Variants in MYSM1 observed in about 807,000 individuals in gnomAD.
MYSM1 encodes Myb like, SWIRM and MPN domains 1.
MYSM1 carries 51 observed loss-of-function variants against 116.0 expected under a neutral mutation model. The ratio of observed to expected loss-of-function variants is 0.44; its 90% CI spans 0.35 to 0.56. The LOEUF (loss-of-function observed/expected upper bound fraction) is 0.56, where lower values mean the gene tolerates loss of function less well. MYSM1 is among the 20% of genes least tolerant of loss of function. The pLI is 0.00. For synonymous variants in MYSM1, 313 were observed against 315.2 expected (o/e 0.99, Z 0.07); for missense variants, 900 against 974.9 (o/e 0.92, Z 1.02).
In MYSM1 at chr1:58,672,011, AT is replaced by A. The variant is rs1430210832; in HGVS notation, c.1573-54del. 1.5e-5 allele frequency: 21 copies of A among 1,402,716 alleles called. No homozygotes were observed. In the African/African-American group the frequency reaches 2.3e-4, roughly 15 times the overall value. 86.9% of individuals were successfully genotyped at this position (1,402,716 alleles called of 1,614,324 possible). On this transcript the variant is annotated intron_variant, in intron 11 of 19. Coordinates refer to ENST00000472487, the MANE Select transcript of MYSM1 (RefSeq NM_001085487.3). ...AGTCCATCATCTACTAAGAGGCAGA[AT>A]AAAAATAGTCCTTTAAAATCAAATT...
At chr1:58,676,763 A>C in intron 9 of MYSM1, 163 bp downstream of exon 9, 1 of 596,776 alleles carries the variant, frequency 1.7e-6, no homozygotes, top group Non-Finnish European at 2.5e-6. Flanking sequence ...AACACAGTTT[A>C]ACCAACAGTA....
chr1:58,663,553 G>C (rs1644425338), intron 17 of MYSM1, among the ~76,000 whole-genome samples: 1 of 152,210 alleles, frequency 6.6e-6, no homozygotes, highest in Non-Finnish European at 1.5e-5. Context: ...CTAGGATTAA[G>C]ATCTAATACG....
chr1:58,666,835 T>C (rs1569714121), intron 16 of MYSM1, among the ~76,000 whole-genome samples: 1 of 150,756 alleles, frequency 6.6e-6, no homozygotes. Flanking sequence ...GATCGTGCCA[T>C]TGCACTCCAG....
Position 58,656,634 on chromosome 1 carries a change from A to T in MYSM1, c.*3363T>A, listed in dbSNP as rs1351558773. On this transcript the variant is annotated 3_prime_UTR_variant, in exon 20 of 20. Transcript: ENST00000472487. ...GAAGGAAGTAAGTTCAAGTCTATAG[A>T]TCTATAACCGTGGAAACTGCAGTGC... 3.9e-5 allele frequency: 6 copies of T among 152,214 alleles called. No individual in the cohort carries two copies. Among genetic ancestry groups the T allele is most frequent in the African/African-American group, 1.4e-4 (6 of 41,446 alleles). The allele number at this position is 152,214 out of a possible 1,614,324, so 9.4% of individuals were successfully genotyped here.
chr1:58,667,940 A>G lies in MYSM1; in HGVS notation c.1768-19T>C. On this transcript the variant is annotated intron_variant, in intron 14 of 19. Coordinates refer to ENST00000472487, the MANE Select transcript of MYSM1 (RefSeq NM_001085487.3). ...GAGCATGCTAAAAGAAATACAAGAC[A>G]GACTTAGCCCAAACGCACAAACCCA... 2 of 1,591,024 alleles carry G rather than the reference A, an allele frequency of 1.3e-6. No individual in the cohort carries two copies.
intron 14 of MYSM1, chr1:58,668,392 A>G: frequency 8.3e-7 from 1 of 1,211,058 alleles, no homozygotes; most frequent in Non-Finnish European, 1.0e-6. Flanking sequence ...GAAACTTAAA[A>G]TAGGGTTAAT....
chr1:58,689,070 T>C lies in MYSM1; in HGVS notation c.367A>G (p.Ile123Val). 6.2e-7 allele frequency: 1 copy of C among 1,611,862 alleles called. No individual in the cohort carries two copies. The highest frequency in any genetic ancestry group is 8.5e-7 in the Non-Finnish European group (1 of 1,179,566). ...TGTTCAAACAGCTCTTTTTCTTCTATCGTCCACTTTACTGAGTAACTGGCT... is the reference window on the plus strand; with the variant it reads ...TGTTCAAACAGCTCTTTTTCTTCTACCGTCCACTTTACTGAGTAACTGGCT... Reference protein sequence around the residue: ...KPASYSVKWTIEEKELFEQGL... With the variant: ...KPASYSVKWTVEEKELFEQGL... Residue 123 changes from isoleucine (I) to valine (V), a missense_variant, in exon 6 of 20, where the codon ATA (isoleucine) becomes GTA (valine). Ile to Val is a conservative substitution (Grantham distance 29). This residue lies in a region of MYSM1 where 622 missense variants were observed against 623.7 expected (regional missense o/e 1.00). Transcript: ENST00000472487.
chr1:58,695,061 A>T, intron 2 of MYSM1, 68 bp downstream of exon 2: 1 of 879,814 alleles, frequency 1.1e-6, no homozygotes, highest in Non-Finnish European at 1.8e-6. Flanking sequence ...TTAAAAAAAA[A>T]AAAAGAAGAA....
At chr1:58,670,553 G>A (rs1423194880) in intron 12 of MYSM1, among the ~76,000 whole-genome samples, 3 of 152,148 alleles carry the variant, frequency 2.0e-5, no homozygotes, top group Admixed American at 6.5e-5. Context: ...ATGATAAGTA[G>A]ACCTTATTGT....
intron 1 of MYSM1, among the ~76,000 whole-genome samples, chr1:58,698,102 A>ATATATATATTTTT: frequency 5.1e-4 from 4 of 7,772 alleles, no homozygotes; most frequent in African/African-American, 1.0e-3. Context: ...ATATATATAT[A>ATATATATATTTTT]TTTTTTTTTT....
intron 8 of MYSM1, among the ~76,000 whole-genome samples, chr1:58,680,173 T>A (rs1215823125): frequency 6.6e-6 from 1 of 152,236 alleles, no homozygotes; most frequent in South Asian, 2.1e-4. Flanking sequence ...AATAGAAATC[T>A]AATTTAACTA....
intron 10 of MYSM1, among the ~76,000 whole-genome samples, chr1:58,674,178 A>C (rs1242691985): frequency 6.6e-6 from 1 of 152,162 alleles, no homozygotes; most frequent in African/African-American, 2.4e-5. Flanking sequence ...AATATTTTTA[A>C]GATCAAAAAG....
At chr1:58,664,563 A>T (rs1569704934) in intron 17 of MYSM1, among the ~76,000 whole-genome samples, 1 of 152,246 alleles carries the variant, frequency 6.6e-6, no homozygotes, top group East Asian at 1.9e-4. Context: ...CATAAAGAAT[A>T]AAGCAACTAA....
rs1644954405 is a variant in MYSM1 at position 58,695,048 on chromosome 1, AGT to A, written c.147+79_147+80del. 4 of 705,596 alleles carry A rather than the reference AGT, an allele frequency of 5.7e-6. No individual in the cohort carries two copies. In the Admixed American group the frequency reaches 1.2e-4, roughly 20 times the overall value. 43.7% of individuals were successfully genotyped at this position (705,596 alleles called of 1,614,324 possible). On this transcript the variant is annotated intron_variant, in intron 2 of 19. Coordinates refer to ENST00000472487, the MANE Select transcript of MYSM1 (RefSeq NM_001085487.3). ...CTGTGATAGTTGAGAACTAGCACTA[AGT>A]TTAAAAAAAAAAAAAGAAGAAGCAC...
At chr1:58,694,003 C>A (rs1467371453) in intron 2 of MYSM1, among the ~76,000 whole-genome samples, 1 of 152,194 alleles carries the variant, frequency 6.6e-6, no homozygotes, top group Non-Finnish European at 1.5e-5. Context: ...TCAACCAGAG[C>A]TTCTGTAGTT....
intron 8 of MYSM1, among the ~76,000 whole-genome samples, chr1:58,679,794 G>A (rs190685926): frequency 2.6e-5 from 4 of 151,790 alleles, no homozygotes; most frequent in African/African-American, 4.8e-5. Context: ...TTGGGTGGCC[G>A]AGGTGAGTGG....
At position 58,659,948 on chromosome 1, in the gene MYSM1, A is replaced by C; in HGVS notation, c.*49T>G. Reference sequence around the variant, plus strand: ...CAATCACTTCAAGTTTATAACTTTGAAAGTAAGATCTACTGTGTCAAGATT... The same window carrying C: ...CAATCACTTCAAGTTTATAACTTTGCAAGTAAGATCTACTGTGTCAAGATT... On this transcript the variant is annotated 3_prime_UTR_variant, in exon 20 of 20. Transcript: ENST00000472487. 1 of 1,210,492 alleles carries C rather than the reference A, an allele frequency of 8.3e-7. No individual in the cohort carries two copies. Among genetic ancestry groups the C allele is most frequent in the Middle Eastern group, 2.7e-4 (1 of 3,708 alleles). 75.0% of individuals were successfully genotyped at this position (1,210,492 alleles called of 1,614,324 possible).
intron 2 of MYSM1, among the ~76,000 whole-genome samples, chr1:58,694,708 G>C (rs11207293): frequency 0.57 from 86,112 of 150,876 alleles, 24,755 homozygotes; most frequent in East Asian, 0.64. Flanking sequence ...TCATTCTGTT[G>C]CCCAGGTTGG....
chr1:58,699,859 G>C (rs937708927), intron 1 of MYSM1, 126 bp downstream of exon 1: 3 of 1,468,478 alleles, frequency 2.0e-6, no homozygotes, highest in African/African-American at 2.8e-5. Flanking sequence ...AGGCCAACAA[G>C]AGACCCTGGC....
Sources: allele counts gnomAD v4.1 joint callset (sites outside exome capture counted in the v4.1 genomes callset), GRCh38; gene constraint gnomAD v4.1.1; regional missense constraint gnomAD v4.1.1; transcripts MANE v1.5; gene names NCBI Gene and HGNC (gene_info 2026-07-23, HGNC 2026-07-21).